PPP4R4: variants seen among roughly 807,000 people sequenced by gnomAD.
PPP4R4 encodes protein phosphatase 4 regulatory subunit 4.
Under a neutral mutation model 121.8 loss-of-function variants are expected in PPP4R4, and 70 were observed. The ratio of observed to expected loss-of-function variants is 0.57; its 90% CI spans 0.47 to 0.70. PPP4R4 has a LOEUF of 0.70. PPP4R4 is among the 30% of genes least tolerant of loss of function. The probability of loss-of-function intolerance (pLI) is 0.00; values close to 1 mark genes in which losing one functional copy is unlikely to be tolerated. For synonymous variants in PPP4R4, 348 were observed against 355.7 expected, an observed-to-expected ratio of 0.98 and a Z score of 0.24; for missense variants, 875 against 1,033.6, an observed-to-expected ratio of 0.85 and a Z score of 2.10.
In PPP4R4 at chr14:94,174,419, C is replaced by T; in HGVS notation, c.-47C>T. The T allele has an allele frequency of 6.9e-7, 1 of 1,439,956 alleles. No homozygotes were observed. The highest frequency in any genetic ancestry group is 9.1e-7 in the Non-Finnish European group (1 of 1,095,844). The allele number at this position is 1,439,956 out of a possible 1,614,324, so 89.2% of individuals were successfully genotyped here. A position where few individuals can be genotyped will look rare whatever the true frequency, so the allele number is the denominator to read the frequency against. Reference sequence around the variant, plus strand: ...CGGCCGCGGGGCTGAGGGCGTCCGGCATCCCGGGGCCGCTCCGGCCCGGGC... The same window carrying T: ...CGGCCGCGGGGCTGAGGGCGTCCGGTATCCCGGGGCCGCTCCGGCCCGGGC... On this transcript the variant is annotated 5_prime_UTR_variant, in exon 1 of 25. Transcript: ENST00000304338.
chr14:94,225,675 C>T (rs1891657765), intron 3 of PPP4R4, among the ~76,000 whole-genome samples: 1 of 152,186 alleles, frequency 6.6e-6, no homozygotes, highest in Non-Finnish European at 1.5e-5. Flanking sequence ...ATATAGTCAA[C>T]AGGAATCACT....
chr14:94,209,096 T>C (rs1045317850), intron 3 of PPP4R4, among the ~76,000 whole-genome samples: 6 of 151,900 alleles, frequency 3.9e-5, no homozygotes, highest in African/African-American at 1.2e-4. Flanking sequence ...TCTATTACAT[T>C]CTTTCTTCTG....
At chr14:94,262,884 G>A (rs1328089939) in intron 19 of PPP4R4, among the ~76,000 whole-genome samples, 1 of 151,896 alleles carries the variant, frequency 6.6e-6, no homozygotes, top group Non-Finnish European at 1.5e-5. Context: ...TTTTCACTGG[G>A]TATAGAAGTC....
chr14:94,183,947 G>A (rs1889123471), intron 2 of PPP4R4, among the ~76,000 whole-genome samples: 1 of 151,866 alleles, frequency 6.6e-6, no homozygotes, highest in African/African-American at 2.4e-5. Context: ...TTTGAATAAT[G>A]TGTCAAGTTA....
At chr14:94,205,994 G>A (rs1455238745) in intron 2 of PPP4R4, among the ~76,000 whole-genome samples, 1 of 151,914 alleles carries the variant, frequency 6.6e-6, no homozygotes, top group Non-Finnish European at 1.5e-5. Context: ...TTGGTTGATG[G>A]TATTCTTGAG....
At chr14:94,201,966 A>G (rs1890213085) in intron 2 of PPP4R4, among the ~76,000 whole-genome samples, 2 of 151,232 alleles carry the variant, frequency 1.3e-5, no homozygotes, top group Non-Finnish European at 2.9e-5. Flanking sequence ...ATACATATAT[A>G]TACACACTCA....
At chr14:94,251,187 A>G (rs1291251000) in intron 15 of PPP4R4, among the ~76,000 whole-genome samples, 1 of 152,070 alleles carries the variant, frequency 6.6e-6, no homozygotes, top group African/African-American at 2.4e-5. Context: ...CCTTTTAAAT[A>G]TTGACCTGAA....
rs1218263490 is a variant in PPP4R4, at chr14:94,246,523, C to T, written c.1595C>T (p.Thr532Ile). 1 of 1,612,632 alleles carries T rather than the reference C, an allele frequency of 6.2e-7. No homozygotes were observed. Among genetic ancestry groups the T allele is most frequent in the Non-Finnish European group, 8.5e-7 (1 of 1,179,198 alleles). The change falls in exon 14 of 25, where the codon ACA becomes ATA. Residue 532 changes from threonine (T) to isoleucine (I), a missense_variant. By Grantham distance (89) the Thr-to-Ile change is moderately conservative. Coordinates refer to ENST00000304338, the MANE Select transcript of PPP4R4 (RefSeq NM_058237.2). ...IYYRFLQRMFTIMMTNNVLPV... is the reference protein window; with the variant it reads ...IYYRFLQRMFIIMMTNNVLPV... ...TACCGTTTCTTACAAAGAATGTTCA[C>T]AATCATGATGACAAATGTGAGCTCA...
In PPP4R4 at chr14:94,250,172, A is replaced by T; in HGVS notation, c.1612A>T (p.Asn538Tyr). The change falls in exon 15 of 25, where the codon AAT (asparagine) becomes TAT (tyrosine). Residue 538 changes from asparagine (N) to tyrosine (Y), a missense_variant and splice_region_variant. Asn to Tyr is a moderately radical substitution (Grantham distance 143). Coordinates refer to ENST00000304338, the MANE Select transcript of PPP4R4 (RefSeq NM_058237.2). ...TGTCTGTCTTACTTACTTCTTCAAG[A>T]ATGTTTTACCTGTCCAAAAGGCGGC... The part of the protein sequence containing the change: ...QRMFTIMMTN[N>Y]VLPVQKAASR... 6.3e-7 allele frequency: 1 copy of T among 1,597,414 alleles called. No individual in the cohort carries two copies. The highest frequency in any genetic ancestry group is 8.6e-7 in the Non-Finnish European group (1 of 1,165,248).
intron 3 of PPP4R4, among the ~76,000 whole-genome samples, chr14:94,215,598 G>A (rs1048028588): frequency 5.9e-5 from 9 of 152,154 alleles, no homozygotes; most frequent in Admixed American, 1.3e-4. Flanking sequence ...ATGTAAGGTT[G>A]ATAGAAGATA....
At chr14:94,245,757 T>C in intron 13 of PPP4R4, 87 bp downstream of exon 13, 1 of 936,812 alleles carries the variant, frequency 1.1e-6, no homozygotes, top group East Asian at 2.6e-5. Context: ...GAAAGAATGT[T>C]TGGAAAACTT....
intron 5 of PPP4R4, among the ~76,000 whole-genome samples, chr14:94,232,447 T>A (rs1892088309): frequency 6.6e-6 from 1 of 152,242 alleles, no homozygotes; most frequent in South Asian, 2.1e-4. Context: ...AACATCTAGA[T>A]GATTATGCAT....
intron 2 of PPP4R4, among the ~76,000 whole-genome samples, chr14:94,180,786 C>T (rs1426168373): frequency 6.6e-6 from 1 of 151,724 alleles, no homozygotes; most frequent in Non-Finnish European, 1.5e-5. Flanking sequence ...AGCCACTGCC[C>T]CCGATCATAA....
intron 14 of PPP4R4, among the ~76,000 whole-genome samples, chr14:94,247,501 G>C (rs370979879): frequency 1.3e-5 from 2 of 152,336 alleles, no homozygotes; most frequent in South Asian, 2.1e-4. Flanking sequence ...CTCTGAGCTG[G>C]AATCAATCCT....
chr14:94,233,599 G>A lies in PPP4R4; in HGVS notation c.517-54G>A, dbSNP rs141311086. 1.2e-4 allele frequency: 131 copies of A among 1,095,090 alleles called. No homozygotes were observed. In the African/African-American group the frequency reaches 1.9e-3, roughly 16 times the overall value. 67.8% of individuals were successfully genotyped at this position (1,095,090 alleles called of 1,614,324 possible). On this transcript the variant is annotated intron_variant, in intron 5 of 24. Coordinates refer to ENST00000304338, the MANE Select transcript of PPP4R4 (RefSeq NM_058237.2). ...TACTCTGAAGGAATAGCTGACATGA[G>A]TGGCATGAATGTATAAAATTTTGTG...
chr14:94,230,427 C>A (rs1891951262), intron 3 of PPP4R4, among the ~76,000 whole-genome samples, 160 bp from the exon 4 acceptor site: 1 of 152,070 alleles, frequency 6.6e-6, no homozygotes, highest in African/African-American at 2.4e-5. Flanking sequence ...TGATCAGGAG[C>A]AGATTAATAT....
intron 22 of PPP4R4, among the ~76,000 whole-genome samples, chr14:94,266,276 C>A (rs911439228): frequency 2.0e-5 from 3 of 152,054 alleles, no homozygotes; most frequent in African/African-American, 7.2e-5. Flanking sequence ...TATAAAGAAT[C>A]CATTGGCATG....
chr14:94,244,928 A>T (rs961477650), intron 12 of PPP4R4, among the ~76,000 whole-genome samples: 1 of 152,140 alleles, frequency 6.6e-6, no homozygotes, highest in South Asian at 2.1e-4. Flanking sequence ...AACTTAGTAT[A>T]TGTATATTTG....
At chr14:94,237,804 C>G in intron 8 of PPP4R4, 118 bp downstream of exon 8, 1 of 1,273,534 alleles carries the variant, frequency 7.9e-7, no homozygotes, top group Non-Finnish European at 1.1e-6. Flanking sequence ...CCTTCCTCTC[C>G]CTCTTTTTAT....
Sources: allele counts gnomAD v4.1 joint callset (sites outside exome capture counted in the v4.1 genomes callset), GRCh38; gene constraint gnomAD v4.1.1; transcripts MANE v1.5; gene names NCBI Gene and HGNC (gene_info 2026-07-23, HGNC 2026-07-21).